NLRP5: variants seen among roughly 807,000 people sequenced by gnomAD.
NLRP5 encodes the protein NLR family pyrin domain containing 5.
NLRP5 carries 93 observed loss-of-function variants against 113.1 expected under a neutral mutation model. The ratio of observed to expected loss-of-function variants is 0.82; its 90% confidence interval spans 0.70 to 0.98. The LOEUF (loss-of-function observed/expected upper bound fraction) is 0.98. NLRP5 is among the 50% of genes least tolerant of loss of function. NLRP5 has a pLI of 0.00. For missense variants in NLRP5, 1,808 were observed against 1,514.3 expected, an observed-to-expected ratio of 1.19 and a Z score of -3.22; for synonymous variants, 751 against 600.7, an observed-to-expected ratio of 1.25 and a Z score of -3.66.
the NLRP5 span, among the ~76,000 whole-genome samples, chr19:55,991,634 C>T: frequency 6.6e-6 from 1 of 152,158 alleles, no homozygotes. Flanking sequence ...TTCATCGTTA[C>T]ATTTGTTACC....
At chr19:56,048,202 G>A (rs1007703607) in intron 11 of NLRP5, among the ~76,000 whole-genome samples, 19 of 152,122 alleles carry the variant, frequency 1.2e-4, no homozygotes, top group Admixed American at 2.6e-4. Flanking sequence ...CGTTTGGACC[G>A]TTTACATTCA....
At chr19:56,039,181 G>T (rs945723218) in intron 10 of NLRP5, among the ~76,000 whole-genome samples, 2 of 152,206 alleles carry the variant, frequency 1.3e-5, no homozygotes, top group African/African-American at 4.8e-5. Flanking sequence ...GAAAGGCTGT[G>T]TCACTTGTCC....
At chr19:56,043,537 C>CTGAT in intron 11 of NLRP5, among the ~76,000 whole-genome samples, 1 of 25,038 alleles carries the variant, frequency 4.0e-5, no homozygotes, top group Non-Finnish European at 9.5e-5. Context: ...GTTTACTCTG[C>CTGAT]TATTCTTTTT....
At position 56,053,750 on chromosome 19, in the gene NLRP5, G is replaced by A. The variant is rs921430147; in HGVS notation, c.3241G>A (p.Gly1081Arg). ...CACGGACAATGCCCTGGGTGACGGT[G>A]GGGTTGCTGCGCTGTGCGAGGGACT... Residue 1081 changes from glycine to arginine, a missense_variant, in exon 13 of 15, where the codon GGG (glycine) becomes AGG (arginine). Transcript: ENST00000390649. The A allele has an allele frequency of 6.2e-7, 1 of 1,613,850 alleles. No individual in the cohort carries two copies. Among genetic ancestry groups the A allele is most frequent in the African/African-American group, 1.3e-5 (1 of 74,920 alleles).
At chr19:56,010,556 C>G (rs144827967) in intron 3 of NLRP5, among the ~76,000 whole-genome samples, 5,721 of 150,550 alleles carry the variant, frequency 0.038, 354 homozygotes, top group African/African-American at 0.13. Context: ...ACCAGTCTGA[C>G]CAACATGGAG....
intron 1 of NLRP5, chr19:55,999,823 G>T: frequency 6.6e-7 from 1 of 1,524,452 alleles, no homozygotes; most frequent in South Asian, 1.1e-5. Context: ...TGAGGAAACC[G>T]ACCCTCAGCC....
chr19:56,060,491 T>C (rs1024213275), intron 14 of NLRP5, among the ~76,000 whole-genome samples: 5 of 152,160 alleles, frequency 3.3e-5, no homozygotes, highest in African/African-American at 1.2e-4. Context: ...TCTTCGAGAA[T>C]CTGCTCTAGT....
intron 3 of NLRP5, among the ~76,000 whole-genome samples, chr19:56,012,384 G>A (rs1258973963): frequency 2.7e-5 from 4 of 150,864 alleles, no homozygotes; most frequent in Non-Finnish European, 5.9e-5. Context: ...TCCTGACCTC[G>A]TGATCCACCT....
At chr19:56,002,617 C>G (rs1485547036) in intron 1 of NLRP5, among the ~76,000 whole-genome samples, 2 of 140,560 alleles carry the variant, frequency 1.4e-5, no homozygotes, top group African/African-American at 5.5e-5. Context: ...GCTCCCCCCT[C>G]CCCCAACCCC....
At chr19:56,014,428 C>A (rs1249238725) in intron 3 of NLRP5, among the ~76,000 whole-genome samples, 1 of 149,190 alleles carries the variant, frequency 6.7e-6, no homozygotes, top group South Asian at 2.1e-4. Context: ...TCCAGTGAAC[C>A]AAGATCGTGC....
At chr19:56,006,303 A>T (rs1047339206) in intron 2 of NLRP5, among the ~76,000 whole-genome samples, 5 of 152,306 alleles carry the variant, frequency 3.3e-5, no homozygotes, top group African/African-American at 9.6e-5. Context: ...GAGTGATAGC[A>T]TTAGGAGATA....
chr19:56,017,397 A>G (rs760519983), intron 4 of NLRP5, among the ~76,000 whole-genome samples: 3 of 151,648 alleles, frequency 2.0e-5, no homozygotes, highest in Admixed American at 6.6e-5. Flanking sequence ...TATATTTCAG[A>G]TCTTTCTTAG....
chr19:56,001,825 T>A (rs1384992102), intron 1 of NLRP5, among the ~76,000 whole-genome samples: 1 of 152,216 alleles, frequency 6.6e-6, no homozygotes, highest in Non-Finnish European at 1.5e-5. Context: ...GACAAGCTGC[T>A]GTCTACCTGA....
chr19:56,027,586 GAC>G lies in NLRP5; in HGVS notation c.1357_1358del (p.Gln453ArgfsTer10), dbSNP rs774267501. ...AGCGCGGGATTGGTGAGCATCAGAAGACACAAGGGTTGCGTGCGATCATGAAC... is the reference window on the plus strand; with the variant it reads ...AGCGCGGGATTGGTGAGCATCAGAAGACAAGGGTTGCGTGCGATCATGAAC... On this transcript the variant is annotated frameshift_variant, in exon 7 of 15. Coordinates refer to ENST00000390649, the MANE Select transcript of NLRP5 (RefSeq NM_153447.4). LOFTEE classifies it high-confidence loss of function. 1 of 1,613,962 alleles carries G rather than the reference GAC, an allele frequency of 6.2e-7. No individual in the cohort carries two copies. The highest frequency in any genetic ancestry group is 1.7e-5 in the Admixed American group (1 of 60,018).
intron 4 of NLRP5, among the ~76,000 whole-genome samples, chr19:56,017,859 G>C (rs1346972079): frequency 6.6e-6 from 1 of 152,186 alleles, no homozygotes; most frequent in African/African-American, 2.4e-5. Flanking sequence ...TGTCTCCCAG[G>C]ATGGAGTGCG....
rs767653801 is a variant in NLRP5, at chr19:56,027,233, G to T, written c.1000G>T (p.Glu334Ter). 6.2e-7 allele frequency: 1 copy of T among 1,612,684 alleles called. No homozygotes were observed. ...GCGGAAGAAGGAGAGCAGTGTCACA[G>T]AGTTCATCTCCAGGGAGTGGCCAGA... Residue 334 changes from glutamate to a stop codon, truncating the protein, a stop_gained, in exon 7 of 15, where the codon GAG becomes TAG. Transcript: ENST00000390649. LOFTEE classifies it high-confidence loss of function.
rs1251579019 is a variant in NLRP5, at chr19:56,030,711, C to CTTT, written c.2277-1898_2277-1897insTTT. Among the ~76,000 whole-genome samples, 205 of 47,726 alleles carry CTTT rather than the reference C, an allele frequency of 4.3e-3. 1 individual carries two copies. The highest frequency in any genetic ancestry group is 0.021 in the East Asian group (31 of 1,454). 31.3% of individuals were successfully genotyped at this position (47,726 alleles called of 152,430 possible). A position where few individuals can be genotyped will look rare whatever the true frequency, so the allele number is the denominator to read the frequency against. On this transcript the variant is annotated intron_variant, in intron 7 of 14. Coordinates refer to ENST00000390649, the MANE Select transcript of NLRP5 (RefSeq NM_153447.4). ...TATACTTACATTCATTCGCTTTCTT[C>CTTT]TTCTTTTTTTTTTTTTTTTTTGAGA...
Position 56,008,759 on chromosome 19 carries a change from G to T in NLRP5, c.443-29G>T, listed in dbSNP as rs74763333. 2.5e-5 allele frequency: 40 copies of T among 1,581,284 alleles called. 1 individual carries two copies. The highest frequency in any genetic ancestry group is 1.1e-4 in the East Asian group (5 of 44,150). On this transcript the variant is annotated intron_variant, in intron 2 of 14. Transcript: ENST00000390649. ...GGGTAATTACAGTGACTTCATTGAG[G>T]CCAGTCTCCCTTTTTCTTTGTCTTC...
At chr19:56,007,336 C>T (rs1981961551) in intron 2 of NLRP5, among the ~76,000 whole-genome samples, 1 of 145,568 alleles carries the variant, frequency 6.9e-6, no homozygotes, top group East Asian at 2.0e-4. Flanking sequence ...TGCACTCCAG[C>T]CTGGGCGACA....
Sources: gnomAD v4.1 joint callset for allele counts (sites outside exome capture counted in the v4.1 genomes callset) on GRCh38, gnomAD v4.1.1 for gene constraint, MANE v1.5 for transcripts, NCBI Gene and HGNC (gene_info 2026-07-23, HGNC 2026-07-21) for gene names.